Variants in VCAN observed in about 807,000 individuals in gnomAD.
VCAN encodes versican, also known as versican core protein.
Under a neutral mutation model 245.5 loss-of-function variants are expected in VCAN, and 44 were observed. That is an observed-to-expected ratio of 0.18 (90% CI 0.14 to 0.23). The LOEUF is 0.23. Ranked by LOEUF, VCAN falls within the 10% of genes least tolerant of loss-of-function variation. The pLI is 1.00. For missense variants in VCAN, 3,793 were observed against 4,057.9 expected (o/e 0.93, Z 1.77); for synonymous variants, 1,413 against 1,437.0 (o/e 0.98, Z 0.38).
In VCAN at chr5:83,564,241, A is replaced by G. The variant is rs189084937; in HGVS notation, c.9736-8175A>G. On this transcript the variant is annotated intron_variant, in intron 12 of 14. Transcript: ENST00000265077. ...GAGTACATAATTACGATTTTGGGGG[A>G]CATATTCCAAGTTCTCTTTTGTTAA... Among the ~76,000 whole-genome samples the G allele has an allele frequency of 2.8e-4, 42 of 151,906 alleles. 1 individual carries two copies. In the East Asian group the frequency reaches 6.8e-3, roughly 24 times the overall value.
intron 5 of VCAN, among the ~76,000 whole-genome samples, chr5:83,510,300 T>C (rs950469860): frequency 1.3e-5 from 2 of 152,220 alleles, no homozygotes; most frequent in Non-Finnish European, 2.9e-5. Flanking sequence ...TATGTGTGCT[T>C]TGGCCATTTT....
At chr5:83,554,631 TAGAAAATTTCTATCATAAAAAAA>T (rs1747595464) in intron 11 of VCAN, among the ~76,000 whole-genome samples, 1 of 151,876 alleles carries the variant, frequency 6.6e-6, no homozygotes, top group African/African-American at 2.4e-5. Context: ...AACAAAAAAA[TAGAAAATTTCTATCATAAAAAAA>T]AGAAAATTTC....
intron 1 of VCAN, among the ~76,000 whole-genome samples, chr5:83,476,761 GGTT>G (rs553412470): frequency 8.4e-4 from 128 of 152,108 alleles, no homozygotes; most frequent in Middle Eastern, 3.4e-3. Context: ...TGTTAGAGGT[GGTT>G]GTATTTCAGA....
rs1431126727 is a variant in VCAN, at chr5:83,538,466, G to C, written c.5463G>C (p.Leu1821=). The C allele has an allele frequency of 1.9e-6, 3 of 1,613,850 alleles. No individual in the cohort carries two copies. The highest frequency in any genetic ancestry group is 3.3e-5 in the Admixed American group (2 of 59,962). Residue 1821 remains leucine, a synonymous_variant, in exon 8 of 15, where the codon CTG becomes CTC. Transcript: ENST00000265077. ...ATCAACCTGGGGTTCAGGAAGGGCT[G>C]ACCACTCTCCCACGTAGTCCTGCCT... ...SIHQPGVQEG[L]TTLPRSPASV...
Position 83,520,173 on chromosome 5 carries a change from G to A in VCAN, c.1867G>A (p.Glu623Lys). The A allele has an allele frequency of 6.2e-7, 1 of 1,614,030 alleles. No individual in the cohort carries two copies. Among genetic ancestry groups the A allele is most frequent in the Non-Finnish European group, 8.5e-7 (1 of 1,179,970 alleles). Residue 623 changes from glutamate (E) to lysine (K), a missense_variant, in exon 7 of 15, where the codon GAA (glutamate) becomes AAA (lysine). By Grantham distance (56) the Glu-to-Lys change is moderately conservative. Coordinates refer to ENST00000265077, the MANE Select transcript of VCAN (RefSeq NM_004385.5). ...TAATGGATCATCCATGGATGACTGGGAAGAGAGACAAACTAGTGGTAGGAT... is the reference window on the plus strand; with the variant it reads ...TAATGGATCATCCATGGATGACTGGAAAGAGAGACAAACTAGTGGTAGGAT... The part of the protein sequence containing the change: ...DNNGSSMDDW[E>K]ERQTSGRITE...
intron 7 of VCAN, among the ~76,000 whole-genome samples, chr5:83,528,064 G>A (rs1353836823): frequency 1.3e-5 from 2 of 152,162 alleles, no homozygotes; most frequent in East Asian, 3.9e-4. Context: ...GATATTAAAG[G>A]TGGTCATAAA....
At chr5:83,503,229 AG>A (rs1360476111) in intron 5 of VCAN, among the ~76,000 whole-genome samples, 3 of 151,532 alleles carry the variant, frequency 2.0e-5, no homozygotes, top group Non-Finnish European at 4.4e-5. Flanking sequence ...AGAGAGATAG[AG>A]AGAGAGAGAG....
chr5:83,499,470 C>A (rs949812910), intron 5 of VCAN, among the ~76,000 whole-genome samples: 1 of 152,098 alleles, frequency 6.6e-6, no homozygotes, highest in Non-Finnish European at 1.5e-5. Context: ...CCACCACCAC[C>A]TTTCCATTTA....
intron 13 of VCAN, among the ~76,000 whole-genome samples, chr5:83,576,935 AT>A (rs1480913804): frequency 3.3e-5 from 5 of 152,052 alleles, no homozygotes; most frequent in Non-Finnish European, 7.4e-5. Context: ...ATACATACTA[AT>A]TTGTAGGAGT....
In VCAN at chr5:83,522,024, C is replaced by G. The variant is rs374590975; in HGVS notation, c.3718C>G (p.Pro1240Ala). 2.5e-5 allele frequency: 40 copies of G among 1,614,070 alleles called. 1 individual carries two copies. The highest frequency in any genetic ancestry group is 3.4e-5 in the Non-Finnish European group (40 of 1,180,030). ...TKKPPLIDRE[P>A]GEETTSDMVI... ...GAAACCACCTCTCATCGACAGGGAA[C>G]CTGGTGAAGAAACAACCAGTGACAT... Residue 1240 changes from proline (P) to alanine (A), a missense_variant, in exon 7 of 15, where the codon CCT becomes GCT. Physicochemically the swap from Pro to Ala is conservative, Grantham distance 27. This residue lies in a region of VCAN where 3,182 missense variants were observed against 3,250.3 expected (regional missense o/e 0.98). Coordinates refer to ENST00000265077, the MANE Select transcript of VCAN (RefSeq NM_004385.5).
intron 5 of VCAN, among the ~76,000 whole-genome samples, chr5:83,504,844 T>A (rs1745435214): frequency 6.6e-6 from 1 of 152,154 alleles, no homozygotes; most frequent in Non-Finnish European, 1.5e-5. Flanking sequence ...AAAAGAGGTT[T>A]AATTGGACTT....
In VCAN at chr5:83,563,128, C is replaced by T. The variant is rs138098700; in HGVS notation, c.9735+8090C>T. ...CATAGGGTAGTGACACCAAAACAAA[C>T]GTCTCTTTCTCCTTTAAAACAAAGC... On this transcript the variant is annotated intron_variant, in intron 12 of 14. Coordinates refer to ENST00000265077, the MANE Select transcript of VCAN (RefSeq NM_004385.5). Among the ~76,000 whole-genome samples the T allele has an allele frequency of 3.7e-4, 57 of 152,236 alleles. 1 individual carries two copies. Among genetic ancestry groups the T allele is most frequent in the African/African-American group, 1.1e-3 (46 of 41,554 alleles).
intron 7 of VCAN, among the ~76,000 whole-genome samples, chr5:83,529,610 G>C (rs1746443012): frequency 6.6e-6 from 1 of 152,032 alleles, no homozygotes; most frequent in Non-Finnish European, 1.5e-5. Context: ...TGGCTACTGA[G>C]GGATAACTAT....
intron 12 of VCAN, among the ~76,000 whole-genome samples, chr5:83,566,799 GT>G (rs1389824349): frequency 6.6e-6 from 1 of 152,160 alleles, no homozygotes; most frequent in Non-Finnish European, 1.5e-5. Context: ...TCTCTTTTGT[GT>G]TATTGTGAGA....
intron 7 of VCAN, among the ~76,000 whole-genome samples, chr5:83,529,553 G>A (rs1242587825): frequency 6.6e-6 from 1 of 151,962 alleles, no homozygotes; most frequent in Non-Finnish European, 1.5e-5. Flanking sequence ...TATAAAAAAG[G>A]ACTTGAGTAC....
rs144851998 is a variant in VCAN, at chr5:83,542,103, G to A, written c.9100G>A (p.Ala3034Thr). 1.0e-4 allele frequency: 162 copies of A among 1,613,964 alleles called. No homozygotes were observed. The highest frequency in any genetic ancestry group is 1.3e-4 in the Non-Finnish European group (152 of 1,179,994). The change falls in exon 8 of 15, where the codon GCA (alanine) becomes ACA (threonine). Residue 3034 changes from alanine (A) to threonine (T), a missense_variant. Physicochemically the swap from Ala to Thr is moderately conservative, Grantham distance 58 (BLOSUM62 0). This residue lies in a region of VCAN where 3,182 missense variants were observed against 3,250.3 expected (regional missense o/e 0.98). Coordinates refer to ENST00000265077, the MANE Select transcript of VCAN (RefSeq NM_004385.5). The part of the protein sequence containing the change: ...STIAASEQQV[A>T]ARILDSNDQA... ...GATAGCAGCATCAGAACAGCAAGTG[G>A]CAGCGAGAATTCTTGATTCCAATGA...
chr5:83,530,143 G>A (rs904704407), intron 7 of VCAN, among the ~76,000 whole-genome samples: 1 of 152,026 alleles, frequency 6.6e-6, no homozygotes, highest in Non-Finnish European at 1.5e-5. Context: ...TGGCTCTATA[G>A]GACCTAAGAG....
At position 83,521,856 on chromosome 5, in the gene VCAN, T is replaced by C; in HGVS notation, c.3550T>C (p.Leu1184=). ...SLEDIDLGSG[L]FEKPKATELI... is the part of the protein sequence containing the mutation. ...AGAGGATATTGATTTAGGCTCAGGATTATTTGAAAAGCCCAAAGCCACAGA... is the reference window on the plus strand; with the variant it reads ...AGAGGATATTGATTTAGGCTCAGGACTATTTGAAAAGCCCAAAGCCACAGA... The change falls in exon 7 of 15, where the codon TTA becomes CTA. Residue 1184 remains leucine, a synonymous_variant. Coordinates refer to ENST00000265077, the MANE Select transcript of VCAN (RefSeq NM_004385.5). The C allele has an allele frequency of 1.2e-6, 2 of 1,614,142 alleles. No homozygotes were observed. The highest frequency in any genetic ancestry group is 1.7e-6 in the Non-Finnish European group (2 of 1,180,018).
rs1206862567 is a variant in VCAN at position 83,536,996 on chromosome 5, G to GT, written c.4004-4dup. On this transcript the variant is annotated splice_polypyrimidine_tract_variant and intron_variant, in intron 7 of 14. Transcript: ENST00000265077. ...TCTATTTAAGTATTGTGAAAACTCT[G>GT]TTTTTTTCAGGTCGAATGAGTGATT... is the stretch of plus-strand genomic sequence containing the variant. 1.7e-5 allele frequency: 27 copies of GT among 1,567,466 alleles called. No homozygotes were observed. Among genetic ancestry groups the GT allele is most frequent in the East Asian group, 2.2e-5 (1 of 44,472 alleles).
Sources: allele counts gnomAD v4.1 joint callset (sites outside exome capture counted in the v4.1 genomes callset), GRCh38; gene constraint gnomAD v4.1.1; regional missense constraint gnomAD v4.1.1; transcripts MANE v1.5; gene names NCBI Gene and HGNC (gene_info 2026-07-23, HGNC 2026-07-21).